The following CSMD3 variants were observed in gnomAD, a reference collection of about 807,000 sequenced individuals.
CSMD3 encodes the protein CUB and Sushi multiple domains 3.
Under a neutral mutation model 435.2 loss-of-function variants are expected in CSMD3, and 177 were observed. The ratio of observed to expected loss-of-function variants is 0.41; its 90% CI spans 0.36 to 0.46. The LOEUF is 0.46. Ranked by LOEUF, CSMD3 falls within the 20% of genes least tolerant of loss-of-function variation. The pLI is 0.34. For missense variants in CSMD3, 4,265 were observed against 4,504.6 expected (o/e 0.95, Z 1.52); for synonymous variants, 1,656 against 1,520.5 (o/e 1.09, Z -2.07).
intron 17 of CSMD3, among the ~76,000 whole-genome samples, chr8:112,663,445 A>G (rs2075437522): frequency 8.0e-6 from 1 of 125,558 alleles, no homozygotes; most frequent in African/African-American, 3.1e-5. Flanking sequence ...CTGAGAACAC[A>G]TGGACACAGG....
intron 27 of CSMD3, among the ~76,000 whole-genome samples, chr8:112,519,713 C>T (rs1335558225): frequency 6.6e-6 from 1 of 152,146 alleles, no homozygotes; most frequent in Non-Finnish European, 1.5e-5. Context: ...AGTCTGAGTG[C>T]TATTATTATC....
chr8:113,409,079 C>CTTTTTTTTTTTTT (rs1218107775), intron 1 of CSMD3, among the ~76,000 whole-genome samples: 27 of 99,068 alleles, frequency 2.7e-4, no homozygotes, highest in Admixed American at 5.5e-4. Context: ...TCTTCTTCTT[C>CTTTTTTTTTTTTT]TTTTTTTTTT....
intron 13 of CSMD3, among the ~76,000 whole-genome samples, chr8:112,759,582 A>G (rs2077784955): frequency 6.6e-6 from 1 of 152,138 alleles, no homozygotes; most frequent in African/African-American, 2.4e-5. Context: ...ATATTTAAAG[A>G]TTAGCTACTA....
At chr8:112,494,492 C>CTCCT (rs1821058032) in intron 30 of CSMD3, among the ~76,000 whole-genome samples, 2 of 76,666 alleles carry the variant, frequency 2.6e-5, no homozygotes, top group South Asian at 4.1e-4. Flanking sequence ...GTTTCTTTCT[C>CTCCT]TCCTTTCTTT....
chr8:112,926,353 ATC>A (rs1291045342), intron 9 of CSMD3, among the ~76,000 whole-genome samples: 4 of 152,064 alleles, frequency 2.6e-5, no homozygotes, highest in Non-Finnish European at 5.9e-5. Context: ...ACTGAAATTC[ATC>A]TGTCACCACA....
intron 22 of CSMD3, among the ~76,000 whole-genome samples, chr8:112,610,979 C>T (rs774022571): frequency 1.3e-5 from 2 of 152,218 alleles, no homozygotes; most frequent in Non-Finnish European, 2.9e-5. Context: ...TAATTATATA[C>T]TATAAAGCAA....
At chr8:113,295,837 C>T (rs2093716760) in intron 2 of CSMD3, among the ~76,000 whole-genome samples, 1 of 152,120 alleles carries the variant, frequency 6.6e-6, no homozygotes, top group Non-Finnish European at 1.5e-5. Context: ...GCTATAAAGA[C>T]ACATGCACAT....
In CSMD3 at chr8:113,375,667, T is replaced by C. The variant is rs117476914; in HGVS notation, c.179-60874A>G. Among the ~76,000 whole-genome samples the C allele has an allele frequency of 4.9e-3, 747 of 152,226 alleles. 12 individuals carry two copies. The highest frequency in any genetic ancestry group is 0.017 in the African/African-American group (704 of 41,534). On this transcript the variant is annotated intron_variant, in intron 1 of 70. Coordinates refer to ENST00000297405, the MANE Select transcript of CSMD3 (RefSeq NM_198123.2). Reference sequence around the variant, plus strand: ...AAAAATGATTATTCCCCAGAACAATTTGCTAATTGCTGAAGAGTCAGCAAT... The same window carrying C: ...AAAAATGATTATTCCCCAGAACAATCTGCTAATTGCTGAAGAGTCAGCAAT...
At chr8:112,350,438 A>T (rs1364379331) in intron 40 of CSMD3, among the ~76,000 whole-genome samples, 1 of 152,056 alleles carries the variant, frequency 6.6e-6, no homozygotes, top group African/African-American at 2.4e-5. Context: ...CACTTTTCTG[A>T]AATTCCATCA....
chr8:113,078,528 C>T (rs992321215), intron 5 of CSMD3, among the ~76,000 whole-genome samples: 2 of 152,150 alleles, frequency 1.3e-5, no homozygotes, highest in African/African-American at 2.4e-5. Context: ...CAATAAAATA[C>T]ATGAACATAA....
At chr8:112,758,806 A>C (rs1188574317) in intron 13 of CSMD3, among the ~76,000 whole-genome samples, 1 of 152,172 alleles carries the variant, frequency 6.6e-6, no homozygotes, top group Non-Finnish European at 1.5e-5. Context: ...ACACATGAAA[A>C]GTGTTTGATG....
intron 13 of CSMD3, among the ~76,000 whole-genome samples, chr8:112,772,956 C>T (rs979814954): frequency 1.2e-4 from 18 of 151,920 alleles, no homozygotes; most frequent in Admixed American, 1.1e-3. Context: ...TGGAAACGCC[C>T]GATAATGATC....
intron 7 of CSMD3, among the ~76,000 whole-genome samples, chr8:112,967,908 A>G (rs1407753271): frequency 6.6e-6 from 1 of 151,824 alleles, no homozygotes; most frequent in African/African-American, 2.4e-5. Flanking sequence ...AAAAACAAAG[A>G]AAAAATGAAA....
intron 13 of CSMD3, among the ~76,000 whole-genome samples, chr8:112,724,117 G>A (rs1222586624): frequency 6.6e-6 from 1 of 152,028 alleles, no homozygotes; most frequent in Non-Finnish European, 1.5e-5. Context: ...TAGGGTAACT[G>A]TGGAGAGGTG....
chr8:112,506,923 T>G, intron 28 of CSMD3, 94 bp from the exon 29 acceptor site: 1 of 1,134,074 alleles, frequency 8.8e-7, no homozygotes, highest in East Asian at 2.6e-5. Context: ...AAAGAGCTTA[T>G]GAGGCTTTGT....
chr8:112,454,802 G>T (rs1006497704), intron 32 of CSMD3, among the ~76,000 whole-genome samples: 1 of 151,944 alleles, frequency 6.6e-6, no homozygotes, highest in African/African-American at 2.4e-5. Flanking sequence ...ACTAGCCTGG[G>T]CAACATGATG....
chr8:112,417,699 T>C (rs1349309731), intron 32 of CSMD3, among the ~76,000 whole-genome samples: 5 of 152,118 alleles, frequency 3.3e-5, no homozygotes. Flanking sequence ...TCTATCCTTT[T>C]GGATGAAAAA....
At chr8:112,813,866 T>C (rs181847810) in intron 12 of CSMD3, among the ~76,000 whole-genome samples, 11 of 152,308 alleles carry the variant, frequency 7.2e-5, no homozygotes, top group Non-Finnish European at 1.6e-4. Context: ...GTTCTTCACC[T>C]GACCAACTGA....
intron 6 of CSMD3, among the ~76,000 whole-genome samples, chr8:112,996,676 T>C (rs569138572): frequency 3.1e-4 from 47 of 151,574 alleles, no homozygotes; most frequent in Non-Finnish European, 4.3e-4. Context: ...TCCATAATTT[T>C]AGAGTAGACA....
Sources: allele counts gnomAD v4.1 joint callset (sites outside exome capture counted in the v4.1 genomes callset), GRCh38; gene constraint gnomAD v4.1.1; transcripts MANE v1.5; gene names NCBI Gene and HGNC (gene_info 2026-07-23, HGNC 2026-07-21).